Variants in NCALD observed in about 807,000 individuals in gnomAD.
NCALD encodes neurocalcin delta.
In NCALD, 10 loss-of-function variants were observed where a neutral mutation model predicts 18.6. The ratio of observed to expected loss-of-function variants is 0.54; its 90% CI spans 0.33 to 0.91. The LOEUF is 0.91. Ranked by LOEUF, NCALD falls within the 40% of genes least tolerant of loss-of-function variation. NCALD has a pLI of 0.03. For missense variants in NCALD, 184 were observed against 247.6 expected, an observed-to-expected ratio of 0.74 and a Z score of 1.72; for synonymous variants, 88 against 87.4, an observed-to-expected ratio of 1.01 and a Z score of -0.04.
chr8:102,070,599 G>A (rs1212708479), intron 1 of NCALD, among the ~76,000 whole-genome samples: 3 of 152,144 alleles, frequency 2.0e-5, no homozygotes, highest in Non-Finnish European at 4.4e-5. Flanking sequence ...CATATCTGCA[G>A]CTTGCAAAGA....
intron 2 of NCALD, among the ~76,000 whole-genome samples, chr8:101,705,975 A>G (rs1319368164): frequency 6.6e-6 from 1 of 152,244 alleles, no homozygotes. Context: ...GGGAAAAGTT[A>G]TAATAATATA....
At chr8:101,715,699 A>T (rs1402699543) in intron 2 of NCALD, among the ~76,000 whole-genome samples, 3 of 152,214 alleles carry the variant, frequency 2.0e-5, no homozygotes, top group Non-Finnish European at 4.4e-5. Flanking sequence ...TATGTGGAAA[A>T]ACAAAACATA....
intron 4 of NCALD, among the ~76,000 whole-genome samples, chr8:101,841,971 C>T (rs534463160): frequency 2.0e-5 from 3 of 152,182 alleles, no homozygotes; most frequent in Non-Finnish European, 4.4e-5. Flanking sequence ...GCTCCCATAA[C>T]AAAGTACCAC....
chr8:101,754,435 C>G (rs989250761), intron 1 of NCALD, among the ~76,000 whole-genome samples: 1 of 151,998 alleles, frequency 6.6e-6, no homozygotes, highest in South Asian at 2.1e-4. Flanking sequence ...CTGGGAAGTC[C>G]AAGATGAAGG....
chr8:101,904,240 T>A (rs1296057900), intron 3 of NCALD, among the ~76,000 whole-genome samples: 1 of 152,188 alleles, frequency 6.6e-6, no homozygotes, highest in Non-Finnish European at 1.5e-5. Context: ...GAGTTCTTCA[T>A]CAAATCTGTC....
intron 2 of NCALD, among the ~76,000 whole-genome samples, chr8:101,970,393 T>A (rs571670708): frequency 6.6e-6 from 1 of 152,318 alleles, no homozygotes; most frequent in Admixed American, 6.5e-5. Flanking sequence ...AATATTTCCT[T>A]GCAAATTTTC....
intron 2 of NCALD, among the ~76,000 whole-genome samples, chr8:101,944,994 G>A (rs1196766432): frequency 6.6e-6 from 1 of 152,204 alleles, no homozygotes; most frequent in East Asian, 1.9e-4. Flanking sequence ...AAAAGAGAGA[G>A]CAACTGACAT....
intron 1 of NCALD, among the ~76,000 whole-genome samples, chr8:102,094,502 T>C (rs1426575393): frequency 1.3e-5 from 2 of 152,198 alleles, no homozygotes; most frequent in Non-Finnish European, 2.9e-5. Context: ...CTGTACTATT[T>C]CCACTACTCC....
At chr8:102,098,738 G>C (rs1390287296) in intron 1 of NCALD, among the ~76,000 whole-genome samples, 1 of 152,000 alleles carries the variant, frequency 6.6e-6, no homozygotes, top group African/African-American at 2.4e-5. Flanking sequence ...TATGAGGAGG[G>C]AGGGCACCAG....
At chr8:101,879,159 G>A (rs777577514) in intron 4 of NCALD, among the ~76,000 whole-genome samples, 4 of 152,190 alleles carry the variant, frequency 2.6e-5, no homozygotes, top group Non-Finnish European at 1.5e-5. Flanking sequence ...GTTTCCTGGG[G>A]TAGATTCTAA....
intron 4 of NCALD, among the ~76,000 whole-genome samples, chr8:101,868,108 C>A (rs919302173): frequency 6.6e-6 from 1 of 152,130 alleles, no homozygotes; most frequent in Non-Finnish European, 1.5e-5. Context: ...TCCATTTGAC[C>A]ACAGCCCACC....
intron 3 of NCALD, among the ~76,000 whole-genome samples, chr8:101,913,376 A>T (rs1817867950): frequency 6.6e-6 from 1 of 152,244 alleles, no homozygotes; most frequent in African/African-American, 2.4e-5. Context: ...ATACATGTGT[A>T]TACCTTTATC....
At chr8:101,943,980 A>AAAC (rs1365719671) in intron 2 of NCALD, among the ~76,000 whole-genome samples, 2 of 33,314 alleles carry the variant, frequency 6.0e-5, no homozygotes, top group South Asian at 9.6e-4. Flanking sequence ...ACAAACAAAC[A>AAAC]AAAAAAAACA....
At chr8:101,980,972 C>T (rs553200905) in intron 2 of NCALD, among the ~76,000 whole-genome samples, 3 of 152,200 alleles carry the variant, frequency 2.0e-5, no homozygotes, top group Non-Finnish European at 4.4e-5. Flanking sequence ...TTTCCACAAC[C>T]ATCTCTCTCT....
chr8:102,059,975 G>GT (rs879264300), intron 1 of NCALD, among the ~76,000 whole-genome samples: 2 of 152,088 alleles, frequency 1.3e-5, no homozygotes, highest in Non-Finnish European at 2.9e-5. Flanking sequence ...GCTTGTTTTT[G>GT]TTTTTTTGTT....
rs567979103 is a variant in NCALD at position 102,079,601 on chromosome 8, T to C, written c.-210+44636A>G. Among the ~76,000 whole-genome samples the C allele has an allele frequency of 5.3e-5, 8 of 152,348 alleles. No homozygotes were observed. In the South Asian group the frequency reaches 1.5e-3, roughly 28 times the overall value. ...TCTGTTGCCCATAACCCAGTTTTTA[T>C]TAACTACGGCTTTAAAGTGTCAATG... On this transcript the variant is annotated intron_variant, in intron 1 of 6. Transcript: ENST00000311028.
At chr8:102,029,950 G>A (rs16868899) in intron 1 of NCALD, among the ~76,000 whole-genome samples, 5,305 of 152,182 alleles carry the variant, frequency 0.035, 138 homozygotes, top group Non-Finnish European at 0.055. Context: ...GTTAAAAGGC[G>A]GGTTTTCAAC....
chr8:101,910,094 C>T (rs1290256043), intron 3 of NCALD, among the ~76,000 whole-genome samples: 5 of 152,054 alleles, frequency 3.3e-5, no homozygotes, highest in Admixed American at 1.3e-4. Flanking sequence ...ACTGAGACCT[C>T]AGTGAGGATA....
intron 4 of NCALD, among the ~76,000 whole-genome samples, chr8:101,878,079 G>A (rs898016659): frequency 1.2e-4 from 18 of 152,260 alleles, no homozygotes; most frequent in Admixed American, 9.8e-4. Context: ...AATGTTCCAC[G>A]GAAAACTAAG....
Sources: gnomAD v4.1 joint callset for allele counts (sites outside exome capture counted in the v4.1 genomes callset) on GRCh38, gnomAD v4.1.1 for gene constraint, MANE v1.5 for transcripts, NCBI Gene and HGNC (gene_info 2026-07-23, HGNC 2026-07-21) for gene names.